Variants in DZIP3 observed in about 807,000 individuals in gnomAD.
DZIP3 encodes the protein E3 ubiquitin-protein ligase DZIP3.
A neutral mutation model predicts 162.0 loss-of-function variants in DZIP3; 118 were observed. The observed-to-expected ratio is 0.73, with a 90% CI of 0.63 to 0.85. DZIP3 has a LOEUF of 0.85. DZIP3 is among the 40% of genes least tolerant of loss of function. The pLI is 0.00. For missense variants in DZIP3, 1,331 were observed against 1,407.0 expected (o/e 0.95, Z 0.86); for synonymous variants, 438 against 458.6 (o/e 0.96, Z 0.57).
intron 28 of DZIP3, among the ~76,000 whole-genome samples, 199 bp downstream of exon 28, chr3:108,686,783 T>C (rs1164997550): frequency 2.0e-5 from 3 of 152,140 alleles, no homozygotes; most frequent in Non-Finnish European, 4.4e-5. Flanking sequence ...CATTAAAAAG[T>C]TACTTGTCTT....
In DZIP3 at chr3:108,644,267, T is replaced by C; in HGVS notation, c.1245T>C (p.Ala415=). The C allele has an allele frequency of 6.2e-7, 1 of 1,614,004 alleles. No individual in the cohort carries two copies. The highest frequency in any genetic ancestry group is 8.5e-7 in the Non-Finnish European group (1 of 1,179,954). Residue 415 remains alanine, a synonymous_variant, in exon 14 of 33, where the codon GCT becomes GCC. Transcript: ENST00000361582. ...TTGTTCGACAAATATTTGATGAGGC[T>C]ATGCCACCTCCTCTTTTGAAAAAAG... ...TDIVRQIFDE[A]MPPPLLKKEL...
chr3:108,615,732 A>G (rs566535428), intron 4 of DZIP3, among the ~76,000 whole-genome samples: 1 of 152,332 alleles, frequency 6.6e-6, no homozygotes, highest in Non-Finnish European at 1.5e-5. Flanking sequence ...ATGTAAATAA[A>G]CTATAGTACA....
intron 1 of DZIP3, among the ~76,000 whole-genome samples, chr3:108,604,862 CT>C (rs1302379076): frequency 6.6e-6 from 1 of 152,060 alleles, no homozygotes; most frequent in East Asian, 1.9e-4. Flanking sequence ...ATTAATTTTA[CT>C]TTTGAGAATG....
chr3:108,688,788 T>C, intron 30 of DZIP3, 35 bp from the exon 31 acceptor site: 1 of 1,613,882 alleles, frequency 6.2e-7, no homozygotes, highest in Non-Finnish European at 8.5e-7. Flanking sequence ...GAGAAAACAA[T>C]GAGCTAAATT....
chr3:108,683,861 A>G (rs1211091533), intron 26 of DZIP3, among the ~76,000 whole-genome samples: 3 of 152,188 alleles, frequency 2.0e-5, no homozygotes. Context: ...GCATAGTTCT[A>G]TGTGATTACA....
chr3:108,656,581 G>A (rs1943132076), intron 19 of DZIP3, among the ~76,000 whole-genome samples: 1 of 152,146 alleles, frequency 6.6e-6, no homozygotes, highest in East Asian at 1.9e-4. Context: ...CTAAAAATCA[G>A]AGTGCTTCTC....
At chr3:108,675,341 A>T (rs561740817) in intron 24 of DZIP3, among the ~76,000 whole-genome samples, 1 of 151,936 alleles carries the variant, frequency 6.6e-6, no homozygotes, top group African/African-American at 2.4e-5. Flanking sequence ...ATCTTTTTCT[A>T]ATTTGCAAAG....
At chr3:108,589,618 A>G, upstream of DZIP3, 1 of 342,836 alleles carries the variant, frequency 2.9e-6, no homozygotes, top group Non-Finnish European at 5.3e-6. Context: ...CCGCTAACCC[A>G]CCCTCGTCTG....
At chr3:108,629,003 GTA>G in intron 7 of DZIP3, 57 bp from the exon 8 acceptor site, 1 of 1,036,624 alleles carries the variant, frequency 9.6e-7, no homozygotes, top group Non-Finnish European at 1.4e-6. Flanking sequence ...TGTCTCATTG[GTA>G]AACCATGCAT....
intron 1 of DZIP3, among the ~76,000 whole-genome samples, chr3:108,599,222 C>A (rs1386688360): frequency 2.6e-5 from 4 of 152,130 alleles, no homozygotes; most frequent in African/African-American, 9.7e-5. Flanking sequence ...AAACAGTGAT[C>A]TTTTGGGATA....
chr3:108,675,641 TTA>T, intron 24 of DZIP3, 143 bp from the exon 25 acceptor site: 1 of 553,672 alleles, frequency 1.8e-6, no homozygotes, highest in East Asian at 3.4e-5. Context: ...CCATACCTCT[TTA>T]TGTCCATTTG....
chr3:108,618,624 A>C (rs1941146083), intron 5 of DZIP3, among the ~76,000 whole-genome samples: 2 of 152,166 alleles, frequency 1.3e-5, no homozygotes, highest in Admixed American at 6.5e-5. Context: ...AGACTCACTT[A>C]GTCCATCAAG....
intron 7 of DZIP3, among the ~76,000 whole-genome samples, chr3:108,628,586 C>T (rs1437976241): frequency 6.6e-6 from 1 of 152,132 alleles, no homozygotes; most frequent in African/African-American, 2.4e-5. Context: ...TGGTATTAGT[C>T]TTGTTGAGGC....
chr3:108,648,292 C>G lies in DZIP3; in HGVS notation c.1962+180C>G, dbSNP rs1054615948. The G allele has an allele frequency of 8.0e-6, 4 of 498,570 alleles. No individual in the cohort carries two copies. In the African/African-American group the frequency reaches 8.1e-5, roughly 10 times the overall value. The allele number at this position is 498,570 out of a possible 1,614,324, so 30.9% of individuals were successfully genotyped here. On this transcript the variant is annotated intron_variant, in intron 16 of 32. Transcript: ENST00000361582. ...CTCAGTACTTCCTTCCATAATCTTT[C>G]CTGCCATAACCATTTATTTTGCCAC...
At chr3:108,654,839 A>G (rs1395579671) in intron 19 of DZIP3, among the ~76,000 whole-genome samples, 4 of 152,168 alleles carry the variant, frequency 2.6e-5, no homozygotes, top group African/African-American at 9.7e-5. Flanking sequence ...AGTGCTCAAC[A>G]GCAAATGAAA....
chr3:108,628,094 G>A lies in DZIP3; in HGVS notation c.582-968G>A, dbSNP rs958477229. 2.6e-5 allele frequency among the ~76,000 whole-genome samples: 4 copies of A among 152,152 alleles called. No individual in the cohort carries two copies. In the South Asian group the frequency reaches 8.3e-4, roughly 32 times the overall value. ...GGGTTTCACTATGTTGGTCAGGATG[G>A]TCCCGATCTCCTGATCTCGTGATCC... On this transcript the variant is annotated intron_variant, in intron 7 of 32. Transcript: ENST00000361582.
chr3:108,611,479 G>A (rs1940705063), intron 4 of DZIP3, 150 bp downstream of exon 4: 1 of 926,068 alleles, frequency 1.1e-6, no homozygotes. Context: ...TGTCAACCTT[G>A]ACTGTAGACT....
intron 1 of DZIP3, among the ~76,000 whole-genome samples, chr3:108,593,561 T>C (rs900676353): frequency 6.6e-6 from 1 of 152,126 alleles, no homozygotes; most frequent in Non-Finnish European, 1.5e-5. Flanking sequence ...ATAATAAGAA[T>C]CATAGAAATT....
rs1942768632 is a variant in DZIP3, at chr3:108,649,403, GTACAAA to G, written c.2007+448_2007+453del. Reference sequence around the variant, plus strand: ...AAGATGCAATAATGTGCACAAAAAGGTACAAATACAAACTTCTTGCGTTGCTGCTTC... The same window carrying G: ...AAGATGCAATAATGTGCACAAAAAGGTACAAACTTCTTGCGTTGCTGCTTC... On this transcript the variant is annotated intron_variant, in intron 17 of 32. Coordinates refer to ENST00000361582, the MANE Select transcript of DZIP3 (RefSeq NM_014648.4). 3.3e-5 allele frequency among the ~76,000 whole-genome samples: 5 copies of G among 151,824 alleles called. No homozygotes were observed. The South Asian group carries it at 1.0e-3, about 32-fold the overall frequency.
Sources: gnomAD v4.1 joint callset for allele counts (sites outside exome capture counted in the v4.1 genomes callset) on GRCh38, gnomAD v4.1.1 for gene constraint, MANE v1.5 for transcripts, NCBI Gene and HGNC (gene_info 2026-07-23, HGNC 2026-07-21) for gene names.